GARNL3: variants seen among roughly 807,000 people sequenced by gnomAD.
GARNL3 encodes the protein GTPase-activating Rap/Ran-GAP domain-like protein 3.
In GARNL3, 63 loss-of-function variants were observed where a neutral mutation model predicts 125.0. The ratio of observed to expected loss-of-function variants is 0.50; its 90% CI spans 0.41 to 0.62. The LOEUF is 0.62. Among genes scored for constraint, GARNL3 ranks in the 20% least tolerant of loss-of-function variants. GARNL3 has a pLI of 0.00. For missense variants in GARNL3, 994 were observed against 1,244.0 expected, an observed-to-expected ratio of 0.80 and a Z score of 3.02; for synonymous variants, 439 against 457.5, an observed-to-expected ratio of 0.96 and a Z score of 0.52.
At chr9:127,378,717 C>T (rs1197630381) in intron 22 of GARNL3, among the ~76,000 whole-genome samples, 1 of 152,008 alleles carries the variant, frequency 6.6e-6, no homozygotes, top group East Asian at 1.9e-4. Context: ...TAAATTTTGA[C>T]ACATTAAAAT....
intron 1 of GARNL3, among the ~76,000 whole-genome samples, chr9:127,272,821 G>A (rs2063856462): frequency 6.6e-6 from 1 of 152,090 alleles, no homozygotes; most frequent in South Asian, 2.1e-4. Flanking sequence ...TATGGATGGT[G>A]CTTTTTTGAT....
chr9:127,378,832 G>A (rs532427870), intron 22 of GARNL3, among the ~76,000 whole-genome samples: 51 of 152,134 alleles, frequency 3.4e-4, no homozygotes, highest in African/African-American at 1.2e-3. Flanking sequence ...CTGGAGTGCA[G>A]TGGTGCCATC....
chr9:127,358,846 A>G (rs1052817484), intron 21 of GARNL3, among the ~76,000 whole-genome samples: 1 of 152,122 alleles, frequency 6.6e-6, no homozygotes, highest in Non-Finnish European at 1.5e-5. Context: ...TAATTGTAAT[A>G]TTTAGCCAAG....
intron 7 of GARNL3, 130 bp downstream of exon 7, chr9:127,325,225 T>C: frequency 1.2e-6 from 1 of 838,478 alleles, no homozygotes; most frequent in Non-Finnish European, 1.9e-6. Context: ...TGGGACACAT[T>C]GCGCGGAAAG....
chr9:127,299,807 C>T (rs1205574757), intron 2 of GARNL3, among the ~76,000 whole-genome samples: 2 of 152,132 alleles, frequency 1.3e-5, no homozygotes, highest in Admixed American at 1.3e-4. Flanking sequence ...CCTTGTGATC[C>T]GCCCACCTCG....
intron 2 of GARNL3, among the ~76,000 whole-genome samples, chr9:127,295,346 A>G (rs1053730695): frequency 2.6e-5 from 4 of 152,146 alleles, no homozygotes; most frequent in Admixed American, 6.5e-5. Flanking sequence ...CCCCTTCCCA[A>G]TGCATGAGTT....
upstream of GARNL3, chr9:127,264,383 CT>C (rs1468253811): frequency 2.6e-6 from 1 of 382,182 alleles, no homozygotes; most frequent in Non-Finnish European, 3.6e-6. Context: ...ATTAGATTTT[CT>C]GTTAGTTCTG....
At chr9:127,359,892 C>A (rs2131694629) in intron 21 of GARNL3, among the ~76,000 whole-genome samples, 1 of 152,116 alleles carries the variant, frequency 6.6e-6, no homozygotes, top group South Asian at 2.1e-4. Flanking sequence ...AAACCATTTT[C>A]TTTGATGACT....
At position 127,390,678 on chromosome 9, in the gene GARNL3, G is replaced by T. The variant is rs532665132; in HGVS notation, c.2781G>T (p.Ala927=). The part of the protein sequence containing the change: ...SDEGGPKSEG[A]PKAKSKPRKR... ...AAGGTGGACCCAAGTCAGAAGGAGCGCCAAAGGCCAAATCAAAACCCCGGA... is the reference window on the plus strand; with the variant it reads ...AAGGTGGACCCAAGTCAGAAGGAGCTCCAAAGGCCAAATCAAAACCCCGGA... Residue 927 remains alanine (A), a synonymous_variant, in exon 27 of 28, where the codon GCG becomes GCT. Coordinates refer to ENST00000373387, the MANE Select transcript of GARNL3 (RefSeq NM_032293.5). 8 of 1,613,908 alleles carry T rather than the reference G, an allele frequency of 5.0e-6. No individual in the cohort carries two copies. Among genetic ancestry groups the T allele is most frequent in the Non-Finnish European group, 6.8e-6 (8 of 1,179,850 alleles).
Position 127,333,142 on chromosome 9 carries a change from A to G in GARNL3, c.769+21A>G, listed in dbSNP as rs1176789419. The G allele has an allele frequency of 6.3e-6, 10 of 1,576,764 alleles. No homozygotes were observed. In the South Asian group the frequency reaches 7.8e-5, roughly 12 times the overall value. On this transcript the variant is annotated intron_variant, in intron 9 of 27. Coordinates refer to ENST00000373387, the MANE Select transcript of GARNL3 (RefSeq NM_032293.5). Reference sequence around the variant, plus strand: ...CAAAAGTAAGCCTGCCTCTTGATCTATTCTGTTGTAATTTGTATAACTTTT... The same window carrying G: ...CAAAAGTAAGCCTGCCTCTTGATCTGTTCTGTTGTAATTTGTATAACTTTT...
chr9:127,393,352 C>A lies in GARNL3; in HGVS notation c.*98C>A. 2 of 1,157,980 alleles carry A rather than the reference C, an allele frequency of 1.7e-6. No individual in the cohort carries two copies. Among genetic ancestry groups the A allele is most frequent in the Non-Finnish European group, 2.5e-6 (2 of 810,560 alleles). 71.7% of individuals were successfully genotyped at this position (1,157,980 alleles called of 1,614,324 possible). A position where few individuals can be genotyped will look rare whatever the true frequency, so the allele number is the denominator to read the frequency against. On this transcript the variant is annotated 3_prime_UTR_variant, in exon 28 of 28. Coordinates refer to ENST00000373387, the MANE Select transcript of GARNL3 (RefSeq NM_032293.5). The stretch of plus-strand genomic sequence containing the variant: ...TTTCTCAACAAAATGTGGCTTTTAG[C>A]CTGTCAGTGATCTATTGGACCAAAC...
At chr9:127,335,387 C>A in intron 10 of GARNL3, 54 bp downstream of exon 10, 1 of 1,313,116 alleles carries the variant, frequency 7.6e-7, no homozygotes, top group Non-Finnish European at 1.1e-6. Flanking sequence ...GAGAGGGCAC[C>A]ATTATGATTC....
At chr9:127,387,979 TA>T (rs1016495126) in intron 25 of GARNL3, among the ~76,000 whole-genome samples, 37 of 149,894 alleles carry the variant, frequency 2.5e-4, no homozygotes, top group East Asian at 9.8e-4. Flanking sequence ...ACCCTGTCTC[TA>T]AAAAAAAATA....
At chr9:127,325,150 T>C in intron 7 of GARNL3, 55 bp downstream of exon 7, 38 of 1,544,978 alleles carry the variant, frequency 2.5e-5, no homozygotes, top group Non-Finnish European at 3.4e-5. Flanking sequence ...TTTGTAAATA[T>C]ATTTCTCCTT....
Position 127,344,337 on chromosome 9 carries a change from C to T in GARNL3, c.1354C>T (p.Gln452Ter), listed in dbSNP as rs755357864. The part of the protein sequence containing the change: ...ARQAEFVRIG[Q>*]ALKLKSIVRG... ...CCAGGCGGAGTTTGTTAGAATAGGG[C>T]AGGTGGGTTTTCTTCTGAAACCTTT... The change falls in exon 15 of 28, where the codon CAG becomes TAG. Residue 452 changes from glutamine (Q) to a stop codon, truncating the protein, a stop_gained and splice_region_variant. Transcript: ENST00000373387. LOFTEE classifies it high-confidence loss of function. 6.2e-7 allele frequency: 1 copy of T among 1,608,202 alleles called. No individual in the cohort carries two copies. The highest frequency in any genetic ancestry group is 8.5e-7 in the Non-Finnish European group (1 of 1,174,642).
At position 127,332,367 on chromosome 9, in the gene GARNL3, G is replaced by A. The variant is rs1189785264; in HGVS notation, c.670+18G>A. On this transcript the variant is annotated intron_variant, in intron 8 of 27. Coordinates refer to ENST00000373387, the MANE Select transcript of GARNL3 (RefSeq NM_032293.5). ...CAGCAATGGTGAGTGATCTCCTCCC[G>A]CTCTCTGCTGCCAGAGACCCTGTCC... 4.4e-6 allele frequency: 7 copies of A among 1,599,172 alleles called. No homozygotes were observed. The highest frequency in any genetic ancestry group is 1.1e-5 in the South Asian group (1 of 90,668).
At chr9:127,355,263 T>C (rs992784119) in intron 19 of GARNL3, 34 bp from the exon 20 acceptor site, 1 of 1,598,800 alleles carries the variant, frequency 6.3e-7, no homozygotes, top group African/African-American at 1.3e-5. Context: ...CACCCGCATG[T>C]CATGTGTAAG....
At chr9:127,313,627 G>A in intron 4 of GARNL3, 68 bp downstream of exon 4, 1 of 1,027,978 alleles carries the variant, frequency 9.7e-7, no homozygotes, top group Non-Finnish European at 1.5e-6. Flanking sequence ...CCTGTGCTGT[G>A]GAACTGTGTG....
chr9:127,267,318 C>G (rs1295839938), intron 1 of GARNL3, among the ~76,000 whole-genome samples: 1 of 152,188 alleles, frequency 6.6e-6, no homozygotes, highest in African/African-American at 2.4e-5. Flanking sequence ...CTTGCAGCAA[C>G]TGTTTTCATC....
Sources: allele counts gnomAD v4.1 joint callset (sites outside exome capture counted in the v4.1 genomes callset), GRCh38; gene constraint gnomAD v4.1.1; transcripts MANE v1.5; gene names NCBI Gene and HGNC (gene_info 2026-07-23, HGNC 2026-07-21).